ZDHHC21: variants seen among roughly 807,000 people sequenced by gnomAD.
The protein encoded by ZDHHC21 is palmitoyltransferase ZDHHC21.
Under a neutral mutation model 34.6 loss-of-function variants are expected in ZDHHC21, and 15 were observed. The observed-to-expected ratio is 0.43, with a 90% CI of 0.29 to 0.67. ZDHHC21 has a LOEUF of 0.67. Among genes scored for constraint, ZDHHC21 ranks in the 30% least tolerant of loss-of-function variants. ZDHHC21 has a pLI of 0.14. For synonymous variants in ZDHHC21, 142 were observed against 101.8 expected (o/e 1.40, Z -2.38); for missense variants, 344 against 327.7 (o/e 1.05, Z -0.38).
chr9:14,688,463 T>A (rs928194964), intron 2 of ZDHHC21, among the ~76,000 whole-genome samples: 2 of 150,832 alleles, frequency 1.3e-5, no homozygotes, highest in Admixed American at 1.3e-4. Context: ...TGCTCTTGCC[T>A]GTGATCATAC....
At chr9:14,619,547 A>T in intron 9 of ZDHHC21, 92 bp downstream of exon 9, 2 of 1,043,934 alleles carry the variant, frequency 1.9e-6, no homozygotes, top group Non-Finnish European at 1.4e-6. Flanking sequence ...AGCCATCATT[A>T]TATTATCTAT....
rs769605456 is a variant in ZDHHC21, at chr9:14,618,276, T to A, written c.*690A>T. The A allele has an allele frequency of 2.6e-5, 4 of 152,572 alleles. No homozygotes were observed. Among genetic ancestry groups the A allele is most frequent in the Non-Finnish European group, 4.4e-5 (3 of 67,968 alleles). The allele number at this position is 152,572 out of a possible 1,614,324, so 9.5% of individuals were successfully genotyped here. A position where few individuals can be genotyped will look rare whatever the true frequency, so the allele number is the denominator to read the frequency against. ...ACAGTAATAGTGAAAATTGAAAAAA[T>A]TATTGTGAAAAAAATTTTAACATTT... is the stretch of plus-strand genomic sequence containing the variant. On this transcript the variant is annotated 3_prime_UTR_variant, in exon 10 of 10. Transcript: ENST00000380916.
chr9:14,624,686 G>C (rs774984964), intron 8 of ZDHHC21, among the ~76,000 whole-genome samples: 1 of 152,062 alleles, frequency 6.6e-6, no homozygotes, highest in Non-Finnish European at 1.5e-5. Context: ...TGGTCGATGG[G>C]TACAAAGTTA....
chr9:14,681,508 T>C (rs1279977846), intron 2 of ZDHHC21, among the ~76,000 whole-genome samples: 1 of 152,184 alleles, frequency 6.6e-6, no homozygotes, highest in East Asian at 1.9e-4. Context: ...GGATTTCACC[T>C]GGAACACAGT....
intron 3 of ZDHHC21, among the ~76,000 whole-genome samples, chr9:14,677,751 C>G (rs1371526485): frequency 6.6e-6 from 1 of 152,014 alleles, no homozygotes; most frequent in Non-Finnish European, 1.5e-5. Flanking sequence ...TAATTTAACT[C>G]TAATAAACCA....
rs1355688863 is a variant in ZDHHC21 at position 14,617,620 on chromosome 9, G to A, written c.*1346C>T. On this transcript the variant is annotated 3_prime_UTR_variant, in exon 10 of 10. Transcript: ENST00000380916. ...ATAAATTTTTTAAAAAGATATATGG[G>A]TTTTGCAGTATTCTAATGGAAAAAA... The A allele has an allele frequency of 6.6e-6, 1 of 151,814 alleles. No individual in the cohort carries two copies. Among genetic ancestry groups the A allele is most frequent in the East Asian group, 1.9e-4 (1 of 5,166 alleles). The allele number at this position is 151,814 out of a possible 1,614,324, so 9.4% of individuals were successfully genotyped here. A position where few individuals can be genotyped will look rare whatever the true frequency, so the allele number is the denominator to read the frequency against.
chr9:14,652,948 C>T (rs558021101), intron 7 of ZDHHC21, among the ~76,000 whole-genome samples: 1 of 152,060 alleles, frequency 6.6e-6, no homozygotes, highest in Non-Finnish European at 1.5e-5. Flanking sequence ...TATGCTGCCA[C>T]CTATCTACGT....
chr9:14,652,320 A>T (rs1386511025), intron 7 of ZDHHC21, among the ~76,000 whole-genome samples: 4 of 151,902 alleles, frequency 2.6e-5, no homozygotes, highest in Non-Finnish European at 4.4e-5. Context: ...AATATAAATC[A>T]ATATCTATAG....
At chr9:14,637,707 A>G (rs913301880) in intron 8 of ZDHHC21, among the ~76,000 whole-genome samples, 2 of 152,030 alleles carry the variant, frequency 1.3e-5, no homozygotes, top group Non-Finnish European at 2.9e-5. Flanking sequence ...TCAGCATACA[A>G]AAATCAGTAA....
At chr9:14,628,584 G>C (rs928775535) in intron 8 of ZDHHC21, among the ~76,000 whole-genome samples, 3 of 13,454 alleles carry the variant, frequency 2.2e-4, no homozygotes, top group Non-Finnish European at 4.2e-4. Flanking sequence ...TGCAAGAGTA[G>C]GGAAAAAGTA....
Position 14,687,540 on chromosome 9 carries a change from G to A in ZDHHC21, c.-176+2797C>T, listed in dbSNP as rs138664225. Among the ~76,000 whole-genome samples, 326 of 150,472 alleles carry A rather than the reference G, an allele frequency of 2.2e-3. 10 individuals carry two copies. The East Asian group carries it at 0.036, about 16-fold the overall frequency. On this transcript the variant is annotated intron_variant, in intron 2 of 9. Coordinates refer to ENST00000380916, the MANE Select transcript of ZDHHC21 (RefSeq NM_178566.6). The stretch of plus-strand genomic sequence containing the variant: ...ACAACAATTAGCCAGGCATAGTGGC[G>A]CCCGCCTGTAATCCCAGCTACTCGG...
Position 14,674,222 on chromosome 9 carries a change from T to A in ZDHHC21, c.119A>T (p.Tyr40Phe), listed in dbSNP as rs540427235. 1.1e-5 allele frequency: 17 copies of A among 1,566,874 alleles called. No individual in the cohort carries two copies. In the East Asian group the frequency reaches 3.8e-4, roughly 35 times the overall value. The change falls in exon 4 of 10, where the codon TAT (tyrosine) becomes TTT (phenylalanine). Residue 40 changes from tyrosine (Y) to phenylalanine (F), a missense_variant. By Grantham distance (22) the Tyr-to-Phe change is conservative (BLOSUM62 3). Coordinates refer to ENST00000380916, the MANE Select transcript of ZDHHC21 (RefSeq NM_178566.6). ...LIPKIVLFPH[Y>F]EEGHIPGILI... ...TATGCCTGGAATATGTCCTTCTTCATAGTGAGGAAAGAGGACAATTTTGGG... is the reference window on the plus strand; with the variant it reads ...TATGCCTGGAATATGTCCTTCTTCAAAGTGAGGAAAGAGGACAATTTTGGG...
intron 2 of ZDHHC21, among the ~76,000 whole-genome samples, chr9:14,688,098 A>C (rs1046038926): frequency 5.6e-5 from 8 of 142,658 alleles, no homozygotes; most frequent in African/African-American, 2.1e-4. Context: ...ATAGATATTC[A>C]GTTGATTATC....
chr9:14,686,754 C>G (rs1564408340), intron 2 of ZDHHC21, among the ~76,000 whole-genome samples: 1 of 151,352 alleles, frequency 6.6e-6, no homozygotes, highest in Non-Finnish European at 1.5e-5. Flanking sequence ...GGGAGGATCA[C>G]TTGAGGTCAG....
chr9:14,687,261 A>G (rs1302674253), intron 2 of ZDHHC21, among the ~76,000 whole-genome samples: 3 of 150,812 alleles, frequency 2.0e-5, no homozygotes, highest in Non-Finnish European at 2.9e-5. Flanking sequence ...ATCCTACTTT[A>G]CATTTATAGT....
chr9:14,633,908 T>C (rs1827811060), intron 8 of ZDHHC21, among the ~76,000 whole-genome samples: 1 of 151,998 alleles, frequency 6.6e-6, no homozygotes, highest in African/African-American at 2.4e-5. Flanking sequence ...CACCCAAACA[T>C]TTTGCCTTGG....
At position 14,612,907 on chromosome 9, in the gene ZDHHC21, G is replaced by A. The variant is rs1440372404; in HGVS notation, c.*6059C>T. 2 of 148,486 alleles carry A rather than the reference G, an allele frequency of 1.3e-5. No individual in the cohort carries two copies. Among genetic ancestry groups the A allele is most frequent in the African/African-American group, 2.5e-5 (1 of 40,018 alleles). 9.2% of individuals were successfully genotyped at this position (148,486 alleles called of 1,614,324 possible). A position where few individuals can be genotyped will look rare whatever the true frequency, so the allele number is the denominator to read the frequency against. ...GCTGAACTCGATTTGTAATGAGAACGAACCTTAACTCTTCATCTTAGTATT... is the reference window on the plus strand; with the variant it reads ...GCTGAACTCGATTTGTAATGAGAACAAACCTTAACTCTTCATCTTAGTATT... On this transcript the variant is annotated 3_prime_UTR_variant, in exon 10 of 10. Coordinates refer to ENST00000380916, the MANE Select transcript of ZDHHC21 (RefSeq NM_178566.6).
intron 7 of ZDHHC21, among the ~76,000 whole-genome samples, chr9:14,654,137 G>C (rs1831757660): frequency 6.6e-6 from 1 of 151,908 alleles, no homozygotes; most frequent in Non-Finnish European, 1.5e-5. Flanking sequence ...GTAACTGTAG[G>C]GCACAATCCA....
intron 2 of ZDHHC21, among the ~76,000 whole-genome samples, chr9:14,687,678 C>G (rs1838544559): frequency 6.6e-6 from 1 of 150,492 alleles, no homozygotes; most frequent in Non-Finnish European, 1.5e-5. Flanking sequence ...AAGGCCCTGT[C>G]TCAAAACAAA....
Sources: allele counts gnomAD v4.1 joint callset (sites outside exome capture counted in the v4.1 genomes callset), GRCh38; gene constraint gnomAD v4.1.1; transcripts MANE v1.5; gene names NCBI Gene and HGNC (gene_info 2026-07-23, HGNC 2026-07-21).